The following HEMK2 variants were observed in gnomAD, a reference collection of about 807,000 sequenced individuals.
HEMK2 encodes methyltransferase HEMK2.
the HEMK2 span, among the ~76,000 whole-genome samples, chr21:28,589,533 A>G: frequency 2.0e-5 from 3 of 152,296 alleles, no homozygotes; most frequent in East Asian, 5.8e-4. Flanking sequence ...AGGGGTTAAC[A>G]ATTCTGAAAG....
At chr21:28,839,000 T>TATATATATATATATAC in the HEMK2 span, among the ~76,000 whole-genome samples, 41 of 57,934 alleles carry the variant, frequency 7.1e-4, no homozygotes, top group Non-Finnish European at 1.0e-3. Flanking sequence ...TATATATATA[T>TATATATATATATATAC]ACATATATAT....
At chr21:28,737,041 C>T in the HEMK2 span, among the ~76,000 whole-genome samples, 1 of 152,112 alleles carries the variant, frequency 6.6e-6, no homozygotes, top group Non-Finnish European at 1.5e-5. Flanking sequence ...AGACAAGGGT[C>T]CCAGTAAATA....
the HEMK2 span, among the ~76,000 whole-genome samples, chr21:28,804,134 T>C: frequency 6.6e-6 from 1 of 152,222 alleles, no homozygotes; most frequent in South Asian, 2.1e-4. Context: ...AATTAACATA[T>C]GGTATTTATT....
At chr21:28,794,159 T>G in the HEMK2 span, among the ~76,000 whole-genome samples, 1 of 152,168 alleles carries the variant, frequency 6.6e-6, no homozygotes, top group Non-Finnish European at 1.5e-5. Flanking sequence ...TTTAATAATA[T>G]ACATATAAAT....
chr21:28,816,737 G>C, the HEMK2 span, among the ~76,000 whole-genome samples: 1 of 152,168 alleles, frequency 6.6e-6, no homozygotes, highest in Non-Finnish European at 1.5e-5. Context: ...GAATTAGTGA[G>C]CTGGGAGATC....
the HEMK2 span, among the ~76,000 whole-genome samples, chr21:28,638,837 C>T: frequency 2.0e-5 from 3 of 152,214 alleles, no homozygotes; most frequent in Non-Finnish European, 4.4e-5. Context: ...AGCTCACTCA[C>T]ATGGTCTCAG....
At chr21:28,822,572 C>CATATATAT in the HEMK2 span, among the ~76,000 whole-genome samples, 19 of 147,716 alleles carry the variant, frequency 1.3e-4, no homozygotes, top group African/African-American at 4.4e-4. Flanking sequence ...GGCTACAATG[C>CATATATAT]ATATATATAT....
chr21:28,874,758 T>C, the HEMK2 span: 1 of 152,264 alleles, frequency 6.6e-6, no homozygotes, highest in African/African-American at 2.4e-5. Context: ...ACATACTTCA[T>C]CTCCAAATTT....
chr21:28,781,721 T>C, the HEMK2 span, among the ~76,000 whole-genome samples: 1 of 152,242 alleles, frequency 6.6e-6, no homozygotes, highest in Non-Finnish European at 1.5e-5. Flanking sequence ...CCTAAGCCTT[T>C]AGGCCAGAGT....
At chr21:28,695,288 TC>T in the HEMK2 span, among the ~76,000 whole-genome samples, 1 of 152,154 alleles carries the variant, frequency 6.6e-6, no homozygotes, top group Non-Finnish European at 1.5e-5. Flanking sequence ...TGAAATCTGA[TC>T]CCCATGTTGA....
At chr21:28,767,374 T>TA in the HEMK2 span, among the ~76,000 whole-genome samples, 1,713 of 147,716 alleles carry the variant, frequency 0.012, 27 homozygotes, top group African/African-American at 0.038. Flanking sequence ...TACTGAAATT[T>TA]AAAAAAAAAA....
At chr21:28,741,928 G>A in the HEMK2 span, among the ~76,000 whole-genome samples, 1 of 152,170 alleles carries the variant, frequency 6.6e-6, no homozygotes, top group Non-Finnish European at 1.5e-5. Flanking sequence ...ACCTAGTAAT[G>A]GGATTGCTGG....
At chr21:28,791,743 G>A in the HEMK2 span, among the ~76,000 whole-genome samples, 1 of 152,076 alleles carries the variant, frequency 6.6e-6, no homozygotes, top group Non-Finnish European at 1.5e-5. Context: ...AGCAGTAGGA[G>A]GATTGGCCAA....
At chr21:28,849,569 A>C in the HEMK2 span, among the ~76,000 whole-genome samples, 1 of 152,224 alleles carries the variant, frequency 6.6e-6, no homozygotes, top group South Asian at 2.1e-4. Context: ...GTTAGGAACA[A>C]AGATCATCGA....
At chr21:28,876,467 G>C in the HEMK2 span, 1 of 1,604,562 alleles carries the variant, frequency 6.2e-7, no homozygotes. Context: ...CAGACCTTTT[G>C]TCTTCATTAT....
the HEMK2 span, among the ~76,000 whole-genome samples, chr21:28,713,399 A>G: frequency 6.6e-6 from 1 of 152,106 alleles, no homozygotes; most frequent in Non-Finnish European, 1.5e-5. Flanking sequence ...ACTTAGGATA[A>G]AGTGAAGTGG....
the HEMK2 span, among the ~76,000 whole-genome samples, chr21:28,841,669 A>T: frequency 6.7e-6 from 1 of 150,240 alleles, no homozygotes; most frequent in East Asian, 2.0e-4. Flanking sequence ...AGTTGCGGGG[A>T]AGAGTGGGAG....
chr21:28,600,157 CTG>C, the HEMK2 span, among the ~76,000 whole-genome samples: 4 of 152,258 alleles, frequency 2.6e-5, no homozygotes, highest in Non-Finnish European at 5.9e-5. Context: ...AGTGGGGACT[CTG>C]TGTGGGGGCT....
the HEMK2 span, among the ~76,000 whole-genome samples, chr21:28,624,423 A>G: frequency 1.3e-5 from 2 of 152,184 alleles, no homozygotes; most frequent in African/African-American, 4.8e-5. Flanking sequence ...TTCTATTCCT[A>G]TCTAAAACAA....
Sources: gnomAD v4.1 joint callset for allele counts (sites outside exome capture counted in the v4.1 genomes callset) on GRCh38, gnomAD v4.1.1 for gene constraint, MANE v1.5 for transcripts, NCBI Gene and HGNC (gene_info 2026-07-23, HGNC 2026-07-21) for gene names.